The following HEMGN variants were observed in gnomAD, a reference collection of about 807,000 sequenced individuals.
HEMGN encodes erythroid differentiation-associated gene protein.
In HEMGN, 32 loss-of-function variants were observed where a neutral mutation model predicts 45.7. That is an observed-to-expected ratio of 0.70 (90% CI 0.53 to 0.94). The LOEUF (loss-of-function observed/expected upper bound fraction) is 0.94, where lower values mean the gene tolerates loss of function less well. HEMGN is among the 40% of genes least tolerant of loss of function. The pLI, the probability that HEMGN is intolerant of heterozygous loss-of-function variation, is 0.00. For missense variants in HEMGN, 530 were observed against 564.2 expected (o/e 0.94, Z 0.61); for synonymous variants, 183 against 178.6 (o/e 1.02, Z -0.20).
chr9:97,938,012 C>T (rs200233713), intron 1 of HEMGN, 46 bp downstream of exon 1: 33 of 1,216,008 alleles, frequency 2.7e-5, no homozygotes, highest in Admixed American at 1.2e-4. Flanking sequence ...TATCATACCC[C>T]GAATTCTTCT....
At position 97,930,498 on chromosome 9, in the gene HEMGN, A is replaced by G. The variant is rs368946756; in HGVS notation, c.897T>C (p.Pro299=). ...QGIAETEGLF[P]KIQEIAEPKD... is the part of the protein sequence containing the mutation. ...TAGGCTCAGCTATTTCTTGTATTTT[A>G]GGAAAAAGGCCTTCTGTCTCAGCTA... Residue 299 remains proline, a synonymous_variant, in exon 3 of 4, where the codon CCT becomes CCC. Transcript: ENST00000616898. The G allele has an allele frequency of 6.2e-7, 1 of 1,614,012 alleles. No individual in the cohort carries two copies. The highest frequency in any genetic ancestry group is 8.5e-7 in the Non-Finnish European group (1 of 1,179,926).
chr9:97,928,348 A>G (rs1159451731), intron 3 of HEMGN, among the ~76,000 whole-genome samples: 1 of 152,154 alleles, frequency 6.6e-6, no homozygotes, highest in Non-Finnish European at 1.5e-5. Context: ...TTTTTAACCT[A>G]GCAGACAGAC....
chr9:97,936,444 A>T (rs1378926849), intron 1 of HEMGN, among the ~76,000 whole-genome samples, 180 bp from the exon 2 acceptor site: 1 of 152,230 alleles, frequency 6.6e-6, no homozygotes, highest in African/African-American at 2.4e-5. Flanking sequence ...CATTCAGCAA[A>T]TGTTTTTGAA....
chr9:97,928,306 G>A (rs1343035092), intron 3 of HEMGN, among the ~76,000 whole-genome samples: 1 of 152,166 alleles, frequency 6.6e-6, no homozygotes, highest in Non-Finnish European at 1.5e-5. Context: ...GATTACAGGC[G>A]TGAGCCACCG....
intron 2 of HEMGN, among the ~76,000 whole-genome samples, chr9:97,934,216 C>T (rs1488675718): frequency 2.0e-5 from 3 of 152,004 alleles, no homozygotes; most frequent in African/African-American, 7.2e-5. Context: ...GGCGTGGTGG[C>T]CAGTGCCTGT....
At position 97,931,208 on chromosome 9, in the gene HEMGN, G is replaced by T. The variant is rs142085732; in HGVS notation, c.187C>A (p.Arg63Ser). 1.9e-6 allele frequency: 3 copies of T among 1,601,464 alleles called. No homozygotes were observed. Among genetic ancestry groups the T allele is most frequent in the Non-Finnish European group, 2.5e-6 (3 of 1,176,808 alleles). Reference protein sequence around the residue: ...SQWLFGEQKKRKQQRTGKGNR... With the variant: ...SQWLFGEQKKSKQQRTGKGNR... Reference sequence around the variant, plus strand: ...CCTTTTCCTGTTCTCTGCTGCTTGCGTTTTTTCTGTTCTCTGCAGAAAGAA... The same window carrying T: ...CCTTTTCCTGTTCTCTGCTGCTTGCTTTTTTTCTGTTCTCTGCAGAAAGAA... The change falls in exon 3 of 4, where the codon CGC (arginine) becomes AGC (serine). Residue 63 changes from arginine to serine, a missense_variant. Transcript: ENST00000616898.
At chr9:97,934,953 G>A (rs924914301) in intron 2 of HEMGN, among the ~76,000 whole-genome samples, 1 of 152,166 alleles carries the variant, frequency 6.6e-6, no homozygotes, top group Non-Finnish European at 1.5e-5. Flanking sequence ...GGAGGGAAGT[G>A]CAAGCTGCCA....
chr9:97,934,284 T>C (rs1382458117), intron 2 of HEMGN, among the ~76,000 whole-genome samples: 1 of 151,684 alleles, frequency 6.6e-6, no homozygotes, highest in Non-Finnish European at 1.5e-5. Context: ...GAGGCAGAGG[T>C]TGCAGTGAGC....
chr9:97,939,067 G>A (rs983408396), upstream of HEMGN, among the ~76,000 whole-genome samples: 2 of 152,174 alleles, frequency 1.3e-5, no homozygotes, highest in Admixed American at 6.5e-5. Flanking sequence ...GAAACCCTGA[G>A]CACCTCCTGA....
At chr9:97,928,025 ATTT>A (rs568022099) in intron 3 of HEMGN, among the ~76,000 whole-genome samples, 8 of 127,460 alleles carry the variant, frequency 6.3e-5, no homozygotes, top group Admixed American at 8.1e-5. Context: ...GATCAAGTGT[ATTT>A]TTTTTTTTTT....
chr9:97,931,312 T>C (rs1826949610), intron 2 of HEMGN, 91 bp from the exon 3 acceptor site: 1 of 907,220 alleles, frequency 1.1e-6, no homozygotes, highest in African/African-American at 1.7e-5. Context: ...CACTGCCTCA[T>C]TGCACAAGTA....
At chr9:97,929,017 C>A (rs779222794) in intron 3 of HEMGN, among the ~76,000 whole-genome samples, 2 of 152,192 alleles carry the variant, frequency 1.3e-5, no homozygotes, top group South Asian at 4.1e-4. Flanking sequence ...TTATAATGAA[C>A]ACTTACTACT....
intron 3 of HEMGN, among the ~76,000 whole-genome samples, chr9:97,928,025 A>ATTTTTT (rs568022099): frequency 7.8e-6 from 1 of 127,474 alleles, no homozygotes. Context: ...GATCAAGTGT[A>ATTTTTT]TTTTTTTTTT....
At chr9:97,932,819 A>AAAAC (rs1826981077) in intron 2 of HEMGN, among the ~76,000 whole-genome samples, 1 of 151,830 alleles carries the variant, frequency 6.6e-6, no homozygotes, top group Admixed American at 6.6e-5. Context: ...AAAAAAAAAA[A>AAAAC]AGGAAATCTA....
rs78165469 is a variant in HEMGN, at chr9:97,936,079, T to C, written c.173+92A>G. On this transcript the variant is annotated intron_variant, in intron 2 of 3. Transcript: ENST00000616898. ...CTGATTTACAGGATTGTTGGAAAGA[T>C]AAAATACAGTGTGTAAAGTGCACAG... is the stretch of plus-strand genomic sequence containing the variant. 3.8e-3 allele frequency: 3,205 copies of C among 854,656 alleles called. 81 individuals are homozygous for C. The African/African-American group carries it at 0.047, about 12-fold the overall frequency. 52.9% of individuals were successfully genotyped at this position (854,656 alleles called of 1,614,324 possible). A position where few individuals can be genotyped will look rare whatever the true frequency, so the allele number is the denominator to read the frequency against.
At chr9:97,931,978 C>A (rs1826962054) in intron 2 of HEMGN, among the ~76,000 whole-genome samples, 1 of 152,076 alleles carries the variant, frequency 6.6e-6, no homozygotes, top group Admixed American at 6.6e-5. Flanking sequence ...ATGGCTAATA[C>A]AGATGGGCTG....
chr9:97,937,960 CTTTTTT>C, intron 1 of HEMGN, 92 bp downstream of exon 1: 3 of 500,288 alleles, frequency 6.0e-6, no homozygotes, highest in South Asian at 2.7e-5. Context: ...CATTTATTTC[CTTTTTT>C]TTTTTTTTTG....
At chr9:97,937,628 A>C (rs1427411334) in intron 1 of HEMGN, among the ~76,000 whole-genome samples, 6 of 152,084 alleles carry the variant, frequency 3.9e-5, no homozygotes, top group Non-Finnish European at 8.8e-5. Flanking sequence ...ATGCCTTTAA[A>C]AATTTTATTC....
At position 97,930,672 on chromosome 9, in the gene HEMGN, G is replaced by A. The variant is rs762816603; in HGVS notation, c.723C>T (p.Ile241=). Reference sequence around the variant, plus strand: ...TGTCTTCAGATGTTGGACAAGGAAGGATTTTGGGTACAGCAGCTTCTTGGC... The same window carrying A: ...TGTCTTCAGATGTTGGACAAGGAAGAATTTTGGGTACAGCAGCTTCTTGGC... ...KMCQEAAVPK[I]LPCPTSEDTA... The change falls in exon 3 of 4, where the codon ATC becomes ATT. Residue 241 remains isoleucine (I), a synonymous_variant. Coordinates refer to ENST00000616898, the MANE Select transcript of HEMGN (RefSeq NM_197978.3). 6.2e-7 allele frequency: 1 copy of A among 1,614,168 alleles called. No individual in the cohort carries two copies. Among genetic ancestry groups the A allele is most frequent in the East Asian group, 2.2e-5 (1 of 44,876 alleles).
Sources: allele counts gnomAD v4.1 joint callset (sites outside exome capture counted in the v4.1 genomes callset), GRCh38; gene constraint gnomAD v4.1.1; transcripts MANE v1.5; gene names NCBI Gene and HGNC (gene_info 2026-07-23, HGNC 2026-07-21).